STAG1: variants seen among roughly 807,000 people sequenced by gnomAD.
STAG1 encodes STAG1 cohesin complex component.
In STAG1, 26 loss-of-function variants were observed where a neutral mutation model predicts 170.9. That is an observed-to-expected ratio of 0.15 (90% CI 0.11 to 0.21). The LOEUF is 0.21. Ranked by LOEUF, STAG1 falls within the 10% of genes least tolerant of loss-of-function variation. STAG1 has a pLI of 1.00. For missense variants in STAG1, 964 were observed against 1,509.5 expected, an observed-to-expected ratio of 0.64 and a Z score of 5.99; for synonymous variants, 514 against 497.7, an observed-to-expected ratio of 1.03 and a Z score of -0.44.
intron 9 of STAG1, among the ~76,000 whole-genome samples, chr3:136,498,249 TACACACACAC>T (rs71157389): frequency 1.4e-5 from 1 of 73,710 alleles, no homozygotes; most frequent in Non-Finnish European, 2.4e-5. Flanking sequence ...TACATATACA[TACACACACAC>T]ACACACACAC....
Position 136,500,312 on chromosome 3 carries a change from A to G in STAG1, c.829-16T>C, listed in dbSNP as rs747750753. 1.3e-6 allele frequency: 2 copies of G among 1,516,510 alleles called. No individual in the cohort carries two copies. Among genetic ancestry groups the G allele is most frequent in the Non-Finnish European group, 1.8e-6 (2 of 1,103,102 alleles). The allele number at this position is 1,516,510 out of a possible 1,614,324, so 93.9% of individuals were successfully genotyped here. On this transcript the variant is annotated splice_polypyrimidine_tract_variant and intron_variant, in intron 8 of 33. Transcript: ENST00000383202. Reference sequence around the variant, plus strand: ...TTTCTTGCAGCTGAAATGAAAAAATATATATAAGTTGAAATCCTGATCATT... The same window carrying G: ...TTTCTTGCAGCTGAAATGAAAAAATGTATATAAGTTGAAATCCTGATCATT...
intron 7 of STAG1, among the ~76,000 whole-genome samples, chr3:136,513,084 G>A (rs1934156916): frequency 6.6e-6 from 1 of 152,144 alleles, no homozygotes; most frequent in African/African-American, 2.4e-5. Context: ...AGTGGCCCAA[G>A]TGGCGGGGTG....
chr3:136,722,370 G>A (rs1372559687), intron 1 of STAG1, among the ~76,000 whole-genome samples: 2 of 152,128 alleles, frequency 1.3e-5, no homozygotes, highest in African/African-American at 4.8e-5. Context: ...TTAAGGTGAT[G>A]TCTATGTGGT....
chr3:136,598,113 C>A (rs1357987887), intron 4 of STAG1, among the ~76,000 whole-genome samples: 1 of 152,104 alleles, frequency 6.6e-6, no homozygotes, highest in Non-Finnish European at 1.5e-5. Context: ...TAATATTAAA[C>A]CATCTCGGTA....
intron 6 of STAG1, 57 bp from the exon 7 acceptor site, chr3:136,521,474 C>CT (rs879165752): frequency 5.7e-4 from 836 of 1,469,186 alleles, no homozygotes; most frequent in Non-Finnish European, 6.3e-4. Flanking sequence ...TTGATGAAAG[C>CT]TTTTTTTTTC....
At chr3:136,669,250 A>G (rs2107873760) in intron 1 of STAG1, among the ~76,000 whole-genome samples, 1 of 152,376 alleles carries the variant, frequency 6.6e-6, no homozygotes, top group South Asian at 2.1e-4. Flanking sequence ...CGCTGAAAAG[A>G]TCAACACGGA....
chr3:136,475,018 G>A (rs1306162447), intron 10 of STAG1, among the ~76,000 whole-genome samples: 1 of 151,758 alleles, frequency 6.6e-6, no homozygotes, highest in East Asian at 1.9e-4. Flanking sequence ...ACCCTCTAAG[G>A]TACAATTTAC....
At chr3:136,568,951 G>T in intron 4 of STAG1, 90 bp from the exon 5 acceptor site, 1 of 862,256 alleles carries the variant, frequency 1.2e-6, no homozygotes, top group Non-Finnish European at 1.8e-6. Flanking sequence ...GTTTGTGTGT[G>T]TTTCTATCTG....
chr3:136,728,670 TTC>T (rs1303595920), intron 1 of STAG1, among the ~76,000 whole-genome samples: 1 of 152,214 alleles, frequency 6.6e-6, no homozygotes, highest in African/African-American at 2.4e-5. Context: ...CTATATTACT[TTC>T]TCTTTCTGCA....
At chr3:136,400,259 G>C (rs867785204) in intron 21 of STAG1, among the ~76,000 whole-genome samples, 3 of 150,790 alleles carry the variant, frequency 2.0e-5, no homozygotes, top group Non-Finnish European at 4.4e-5. Flanking sequence ...ACAGAGTCTT[G>C]CTCTGTTGCC....
intron 25 of STAG1, among the ~76,000 whole-genome samples, chr3:136,364,456 C>G (rs1255475636): frequency 6.6e-6 from 1 of 151,904 alleles, no homozygotes; most frequent in Non-Finnish European, 1.5e-5. Context: ...TTGGTAGAAG[C>G]CTCCTGAAGA....
chr3:136,736,430 G>C, intron 1 of STAG1: 1 of 1,136,692 alleles, frequency 8.8e-7, no homozygotes, highest in African/African-American at 1.5e-5. Context: ...AGGAAAGAAT[G>C]AGTCCTTCGA....
chr3:136,700,982 A>T (rs1458759644), intron 1 of STAG1, among the ~76,000 whole-genome samples: 3 of 147,490 alleles, frequency 2.0e-5, no homozygotes, highest in African/African-American at 5.1e-5. Flanking sequence ...CCCGGGTTCA[A>T]GTGATTCTCC....
In STAG1 at chr3:136,473,577, A is replaced by C. The variant is rs1364218853; in HGVS notation, c.1087T>G (p.Leu363Val). The change falls in exon 11 of 34, where the codon TTA becomes GTA. Residue 363 changes from leucine (L) to valine (V), a missense_variant. Around this residue, in one of 11 missense-constraint regions of STAG1, gnomAD observed 162 missense variants for 211.2 expected, o/e 0.77. Coordinates refer to ENST00000383202, the MANE Select transcript of STAG1 (RefSeq NM_005862.3). ...GTGAATAGTTCCAATTTGGGGAATA[A>C]TTCTCTATTGGTATATAGACTCTGC... Reference protein sequence around the residue: ...ALQSLYTNRELFPKLELFTNR... With the variant: ...ALQSLYTNREVFPKLELFTNR... The C allele has an allele frequency of 6.2e-7, 1 of 1,612,544 alleles. No individual in the cohort carries two copies. The highest frequency in any genetic ancestry group is 8.5e-7 in the Non-Finnish European group (1 of 1,179,286).
At chr3:136,365,275 A>C (rs1327920607) in intron 25 of STAG1, among the ~76,000 whole-genome samples, 1 of 152,216 alleles carries the variant, frequency 6.6e-6, no homozygotes, top group African/African-American at 2.4e-5. Flanking sequence ...AAACACTTAT[A>C]AAATGGAACT....
intron 9 of STAG1, among the ~76,000 whole-genome samples, chr3:136,486,538 A>G (rs1459672456): frequency 1.3e-5 from 2 of 152,196 alleles, no homozygotes; most frequent in African/African-American, 4.8e-5. Context: ...CCGAGGATCC[A>G]TTACATTTTT....
intron 25 of STAG1, among the ~76,000 whole-genome samples, chr3:136,363,732 AG>A (rs1308601459): frequency 7.9e-5 from 12 of 152,182 alleles, no homozygotes; most frequent in African/African-American, 2.9e-4. Context: ...TGGGAATTCC[AG>A]GAAGAGAGGT....
rs372972175 is a variant in STAG1, at chr3:136,698,994, C to T, written c.-84+53201G>A. Among the ~76,000 whole-genome samples the T allele has an allele frequency of 5.9e-5, 9 of 152,148 alleles. No homozygotes were observed. In the East Asian group the frequency reaches 1.4e-3, roughly 23 times the overall value. On this transcript the variant is annotated intron_variant, in intron 1 of 33. Coordinates refer to ENST00000383202, the MANE Select transcript of STAG1 (RefSeq NM_005862.3). ...ACCAAATATGGTTATGCTCTCACTT[C>T]GAAGTGGGAGCTAAGCTATGAGGAC...
chr3:136,590,354 G>A lies in STAG1; in HGVS notation c.297+13955C>T, dbSNP rs138310342. 1.8e-3 allele frequency among the ~76,000 whole-genome samples: 265 copies of A among 151,308 alleles called. 1 individual carries two copies. The highest frequency in any genetic ancestry group is 2.6e-3 in the Non-Finnish European group (179 of 67,800). ...TACACACAAAAAAAATTAGCCAGGC[G>A]TAGTGGTGTGCGCCTGTAATCCCAG... is the stretch of plus-strand genomic sequence containing the variant. On this transcript the variant is annotated intron_variant, in intron 4 of 33. Transcript: ENST00000383202.
Sources: gnomAD v4.1 joint callset for allele counts (sites outside exome capture counted in the v4.1 genomes callset) on GRCh38, gnomAD v4.1.1 for gene constraint, gnomAD v4.1.1 regional missense constraint, MANE v1.5 for transcripts, NCBI Gene and HGNC (gene_info 2026-07-23, HGNC 2026-07-21) for gene names.